Variants in PIAS2 observed in about 807,000 individuals in gnomAD.
PIAS2 encodes protein inhibitor of activated STAT 2.
In PIAS2, 19 loss-of-function variants were observed where a neutral mutation model predicts 69.7. That is an observed-to-expected ratio of 0.27 (90% CI 0.19 to 0.40). The LOEUF is 0.40. Ranked by LOEUF, PIAS2 falls within the 10% of genes least tolerant of loss-of-function variation. The pLI is 1.00. For synonymous variants in PIAS2, 261 were observed against 263.2 expected, an observed-to-expected ratio of 0.99 and a Z score of 0.08; for missense variants, 624 against 757.0, an observed-to-expected ratio of 0.82 and a Z score of 2.06.
intron 2 of PIAS2, among the ~76,000 whole-genome samples, chr18:46,875,479 A>G (rs1044473589): frequency 6.6e-6 from 1 of 152,190 alleles, no homozygotes; most frequent in Non-Finnish European, 1.5e-5. Flanking sequence ...TTCGAATGGT[A>G]TGGGTTAGGA....
At position 46,907,267 on chromosome 18, in the gene PIAS2, A is replaced by G. The variant is rs2056732241; in HGVS notation, c.24+10055T>C. ...GTCCCAATATAAAAATGAGTAAAAG[A>G]CTTGGCAAGCCACTTTACAAAAGAA... On this transcript the variant is annotated intron_variant, in intron 1 of 13. Coordinates refer to ENST00000585916, the MANE Select transcript of PIAS2 (RefSeq NM_004671.5). 3.3e-5 allele frequency among the ~76,000 whole-genome samples: 5 copies of G among 152,218 alleles called. No individual in the cohort carries two copies. The South Asian group carries it at 1.0e-3, about 31-fold the overall frequency.
chr18:46,918,083 G>C (rs943593606), upstream of PIAS2: 4 of 152,006 alleles, frequency 2.6e-5, no homozygotes, highest in African/African-American at 7.3e-5. Flanking sequence ...GGGGTTGGGG[G>C]CGGGGAGAAG....
At chr18:46,856,058 T>G (rs1490955503) in intron 3 of PIAS2, among the ~76,000 whole-genome samples, 13 of 130,402 alleles carry the variant, frequency 1.0e-4, no homozygotes, top group Non-Finnish European at 1.5e-5. Flanking sequence ...CAGGCTGGAG[T>G]GCAGTGGCGC....
Position 46,844,714 on chromosome 18 carries a change from T to C in PIAS2, c.967+20A>G. On this transcript the variant is annotated intron_variant, in intron 7 of 13. Coordinates refer to ENST00000585916, the MANE Select transcript of PIAS2 (RefSeq NM_004671.5). ...TTTTTTTTTTTTTTTAAATGCTTGG[T>C]CTTATTAAACATTACTTACTTAGTG... The C allele has an allele frequency of 1.1e-6, 1 of 888,986 alleles. No individual in the cohort carries two copies. The highest frequency in any genetic ancestry group is 2.5e-5 in the South Asian group (1 of 40,212). The allele number at this position is 888,986 out of a possible 1,614,324, so 55.1% of individuals were successfully genotyped here.
At chr18:46,843,613 G>A (rs2045741888) in intron 8 of PIAS2, among the ~76,000 whole-genome samples, 1 of 152,148 alleles carries the variant, frequency 6.6e-6, no homozygotes, top group Non-Finnish European at 1.5e-5. Context: ...TACTTTCTAT[G>A]TAAGGAGATA....
At chr18:46,875,677 A>G (rs1169317935) in intron 2 of PIAS2, among the ~76,000 whole-genome samples, 2 of 152,260 alleles carry the variant, frequency 1.3e-5, no homozygotes, top group Non-Finnish European at 2.9e-5. Flanking sequence ...AGGTGAAAGA[A>G]TTAAGGCAGA....
At chr18:46,816,436 G>T in intron 12 of PIAS2, 3 of 984,726 alleles carry the variant, frequency 3.0e-6, no homozygotes, top group Non-Finnish European at 3.6e-6. Flanking sequence ...TCATTCCAAC[G>T]ATTTCTAAAG....
intron 8 of PIAS2, among the ~76,000 whole-genome samples, chr18:46,838,200 T>C (rs1178117984): frequency 6.6e-6 from 1 of 152,206 alleles, no homozygotes; most frequent in Non-Finnish European, 1.5e-5. Flanking sequence ...AGCTGAATCA[T>C]CAACACAGAA....
At chr18:46,910,278 C>A (rs2057111341) in intron 1 of PIAS2, among the ~76,000 whole-genome samples, 1 of 152,174 alleles carries the variant, frequency 6.6e-6, no homozygotes, top group African/African-American at 2.4e-5. Flanking sequence ...TGAAGGTGGA[C>A]ATGGTTGCAG....
At chr18:46,817,901 A>T in intron 12 of PIAS2, 1 of 979,992 alleles carries the variant, frequency 1.0e-6, no homozygotes, top group Non-Finnish European at 1.2e-6. Flanking sequence ...ATCAGTAGTG[A>T]TTAAAATTTT....
At chr18:46,843,184 C>G (rs2045674650) in intron 8 of PIAS2, among the ~76,000 whole-genome samples, 1 of 152,208 alleles carries the variant, frequency 6.6e-6, no homozygotes, top group African/African-American at 2.4e-5. Context: ...CTCCTCCACA[C>G]AGGTTTGCTA....
In PIAS2 at chr18:46,855,561, T is replaced by A. The variant is rs2047619257; in HGVS notation, c.635+4A>T. On this transcript the variant is annotated splice_donor_region_variant and intron_variant, in intron 4 of 13. Coordinates refer to ENST00000585916, the MANE Select transcript of PIAS2 (RefSeq NM_004671.5). Reference sequence around the variant, plus strand: ...ACTAAGGTAACAGAAAATTTCAAACTCACCTCAACTGAACTTGGACTGTAT... The same window carrying A: ...ACTAAGGTAACAGAAAATTTCAAACACACCTCAACTGAACTTGGACTGTAT... 7 of 1,612,626 alleles carry A rather than the reference T, an allele frequency of 4.3e-6. No individual in the cohort carries two copies. Among genetic ancestry groups the A allele is most frequent in the Non-Finnish European group, 5.1e-6 (6 of 1,178,894 alleles).
intron 2 of PIAS2, among the ~76,000 whole-genome samples, chr18:46,886,868 A>G (rs1362799439): frequency 1.3e-5 from 2 of 152,186 alleles, no homozygotes; most frequent in African/African-American, 4.8e-5. Context: ...ATAAAATCGA[A>G]TAAAATAAAA....
chr18:46,862,043 G>A (rs1157663089), intron 3 of PIAS2, among the ~76,000 whole-genome samples: 2 of 151,984 alleles, frequency 1.3e-5, no homozygotes, highest in African/African-American at 4.8e-5. Context: ...AAAATATAAA[G>A]TTTTTATGCC....
intron 12 of PIAS2, chr18:46,815,883 C>T (rs2041468321): frequency 1.0e-5 from 10 of 985,504 alleles, no homozygotes; most frequent in South Asian, 4.7e-5. Flanking sequence ...GGAATTGCTG[C>T]GCTAACAGGG....
intron 2 of PIAS2, among the ~76,000 whole-genome samples, chr18:46,869,850 G>A (rs972907085): frequency 1.3e-5 from 2 of 152,102 alleles, no homozygotes; most frequent in African/African-American, 4.8e-5. Flanking sequence ...CCATCTCCCA[G>A]GAGGAAATAG....
chr18:46,844,410 T>G (rs1175906819), intron 7 of PIAS2, among the ~76,000 whole-genome samples: 1 of 152,164 alleles, frequency 6.6e-6, no homozygotes. Context: ...GAAGCTGGAA[T>G]GCAGCAGTAC....
intron 6 of PIAS2, 113 bp downstream of exon 6, chr18:46,846,594 A>T: frequency 9.4e-7 from 1 of 1,062,960 alleles, no homozygotes; most frequent in Non-Finnish European, 1.3e-6. Context: ...ACTGCTTTTT[A>T]GAGATTACAA....
intron 10 of PIAS2, among the ~76,000 whole-genome samples, chr18:46,829,142 A>T (rs1316033929): frequency 6.6e-6 from 1 of 152,226 alleles, no homozygotes; most frequent in South Asian, 2.1e-4. Context: ...AGATAAAAAG[A>T]AACTCTAAGT....
Sources: gnomAD v4.1 joint callset for allele counts (sites outside exome capture counted in the v4.1 genomes callset) on GRCh38, gnomAD v4.1.1 for gene constraint, MANE v1.5 for transcripts, NCBI Gene and HGNC (gene_info 2026-07-23, HGNC 2026-07-21) for gene names.